TNFRSF10C: variants seen among roughly 807,000 people sequenced by gnomAD.
The protein encoded by TNFRSF10C is TNF receptor superfamily member 10c.
Under a neutral mutation model 16.7 loss-of-function variants are expected in TNFRSF10C, and 17 were observed. The observed-to-expected ratio is 1.02, with a 90% CI of 0.70 to 1.53. The LOEUF is 1.53. TNFRSF10C is among the 40% of genes most tolerant of loss of function. The probability of loss-of-function intolerance (pLI) is 0.00; values close to 1 mark genes in which losing one functional copy is unlikely to be tolerated. For synonymous variants in TNFRSF10C, 73 were observed against 119.7 expected (o/e 0.61, Z 2.55); for missense variants, 237 against 329.7 (o/e 0.72, Z 2.18).
rs1813963979 is a variant in TNFRSF10C at position 23,115,537 on chromosome 8, A to T, written c.310A>T (p.Thr104Ser). The change falls in exon 4 of 5, where the codon ACC (threonine) becomes TCC (serine). Residue 104 changes from threonine (T) to serine (S), a missense_variant. Thr to Ser is a moderately conservative substitution (Grantham distance 58, BLOSUM62 1). Coordinates refer to ENST00000356864, the MANE Select transcript of TNFRSF10C (RefSeq NM_003841.5). ...DQKHKSSCTMTRDTVCQCKEG... is the reference protein window; with the variant it reads ...DQKHKSSCTMSRDTVCQCKEG... Reference sequence around the variant, plus strand: ...AAAACATAAAAGTTCCTGCACCATGACCAGAGACACAGTGTGTCAGTGTAA... The same window carrying T: ...AAAACATAAAAGTTCCTGCACCATGTCCAGAGACACAGTGTGTCAGTGTAA... 1 of 1,613,154 alleles carries T rather than the reference A, an allele frequency of 6.2e-7. No homozygotes were observed. The highest frequency in any genetic ancestry group is 1.7e-5 in the Admixed American group (1 of 59,872).
rs1813987047 is a variant in TNFRSF10C at position 23,116,595 on chromosome 8, T to A, written c.390-46T>A. On this transcript the variant is annotated intron_variant, in intron 4 of 4. Transcript: ENST00000356864. ...TGGCTCCCCTTTTATCCCACCTGGC[T>A]AGCTTTCCCTCAGGAGTCCTCACCT... 13 of 1,583,080 alleles carry A rather than the reference T, an allele frequency of 8.2e-6. No individual in the cohort carries two copies. The South Asian group carries it at 1.3e-4, about 16-fold the overall frequency.
At chr8:23,108,898 A>G (rs2128830440) in intron 1 of TNFRSF10C, among the ~76,000 whole-genome samples, 1 of 152,382 alleles carries the variant, frequency 6.6e-6, no homozygotes, top group Admixed American at 6.5e-5. Flanking sequence ...TGATCTCTAA[A>G]CTTAATGAAA....
intron 1 of TNFRSF10C, among the ~76,000 whole-genome samples, chr8:23,110,763 T>C (rs763649982): frequency 6.6e-6 from 1 of 152,226 alleles, no homozygotes; most frequent in Non-Finnish European, 1.5e-5. Context: ...TAAGGTTATA[T>C]ATATTATAAC....
chr8:23,107,028 T>C (rs186778674), intron 1 of TNFRSF10C, among the ~76,000 whole-genome samples: 9 of 152,196 alleles, frequency 5.9e-5, no homozygotes, highest in Non-Finnish European at 1.5e-5. Flanking sequence ...TTGCACCTGT[T>C]GTTTTTCAAT....
chr8:23,115,714 C>A, intron 4 of TNFRSF10C, 98 bp downstream of exon 4: 1 of 945,894 alleles, frequency 1.1e-6, no homozygotes, highest in Admixed American at 2.4e-5. Context: ...ATGGAGCCTC[C>A]AGACCCATGG....
chr8:23,111,577 A>T, intron 1 of TNFRSF10C, 143 bp from the exon 2 acceptor site: 1 of 679,370 alleles, frequency 1.5e-6, no homozygotes, highest in Non-Finnish European at 2.6e-6. Context: ...AAACACAGGT[A>T]TGAAAGAATG....
chr8:23,103,184 G>A lies in TNFRSF10C; in HGVS notation c.60+3G>A. ...TCATCGTCGCGGTCCTGCTGCCAGT[G>A]AGTCCCGGCCGCGGTCCCTGGCTGG... On this transcript the variant is annotated splice_donor_region_variant and intron_variant, in intron 1 of 4. Transcript: ENST00000356864. 1 of 1,609,996 alleles carries A rather than the reference G, an allele frequency of 6.2e-7. No individual in the cohort carries two copies. Among genetic ancestry groups the A allele is most frequent in the Non-Finnish European group, 8.5e-7 (1 of 1,178,476 alleles).
chr8:23,115,225 C>T (rs1451014998), intron 3 of TNFRSF10C, among the ~76,000 whole-genome samples: 2 of 152,232 alleles, frequency 1.3e-5, no homozygotes, highest in African/African-American at 2.4e-5. Context: ...TCAGGTGATG[C>T]CCTTGCACCT....
intron 4 of TNFRSF10C, among the ~76,000 whole-genome samples, chr8:23,116,180 C>G (rs1254507945): frequency 6.6e-6 from 1 of 152,330 alleles, no homozygotes; most frequent in African/African-American, 2.4e-5. Flanking sequence ...TGTCTTTTCC[C>G]TATTTGGGCT....
chr8:23,110,020 C>T (rs755282034), intron 1 of TNFRSF10C, among the ~76,000 whole-genome samples: 2 of 138,136 alleles, frequency 1.4e-5, no homozygotes, highest in Non-Finnish European at 3.0e-5. Flanking sequence ...CGAGATTACA[C>T]CACTGCACTC....
intron 1 of TNFRSF10C, chr8:23,103,390 T>TC: frequency 1.2e-6 from 1 of 844,884 alleles, no homozygotes; most frequent in Non-Finnish European, 1.8e-6. Context: ...AGAGAGGCGG[T>TC]CCCCCTGGCT....
chr8:23,115,456 C>T (rs1585249369), intron 3 of TNFRSF10C, 52 bp from the exon 4 acceptor site: 8 of 1,507,778 alleles, frequency 5.3e-6, no homozygotes, highest in Middle Eastern at 1.8e-4. Flanking sequence ...TAAGGAAGAT[C>T]GAGGGATACA....
intron 2 of TNFRSF10C, among the ~76,000 whole-genome samples, chr8:23,113,625 TG>T (rs1384930269): frequency 6.6e-6 from 1 of 152,234 alleles, no homozygotes; most frequent in Non-Finnish European, 1.5e-5. Context: ...GATTTATACC[TG>T]GGTTCACTAT....
chr8:23,117,182 T>A lies in TNFRSF10C; in HGVS notation c.*151T>A. The A allele has an allele frequency of 8.3e-7, 1 of 1,206,490 alleles. No individual in the cohort carries two copies. The highest frequency in any genetic ancestry group is 1.1e-6 in the Non-Finnish European group (1 of 870,618). 74.7% of individuals were successfully genotyped at this position (1,206,490 alleles called of 1,614,324 possible). A position where few individuals can be genotyped will look rare whatever the true frequency, so the allele number is the denominator to read the frequency against. Reference sequence around the variant, plus strand: ...CCTGCCCCTGCCCCAAGTCCTGGTGTCTCCAGCCTGGCTCTATCTTCCTCC... The same window carrying A: ...CCTGCCCCTGCCCCAAGTCCTGGTGACTCCAGCCTGGCTCTATCTTCCTCC... On this transcript the variant is annotated 3_prime_UTR_variant, in exon 5 of 5. Transcript: ENST00000356864.
chr8:23,108,748 G>A (rs1168089591), intron 1 of TNFRSF10C, among the ~76,000 whole-genome samples: 1 of 152,186 alleles, frequency 6.6e-6, no homozygotes, highest in African/African-American at 2.4e-5. Context: ...AGTGGCAAGC[G>A]ATCTGCACAC....
intron 4 of TNFRSF10C, among the ~76,000 whole-genome samples, 170 bp downstream of exon 4, chr8:23,115,786 G>A (rs1214370006): frequency 6.6e-6 from 1 of 152,012 alleles, no homozygotes; most frequent in East Asian, 1.9e-4. Context: ...CCATCTGCCT[G>A]TCCCCACCCC....
In TNFRSF10C at chr8:23,111,805, AG is replaced by A; in HGVS notation, c.151del (p.Glu51ArgfsTer53). ...VAPQQQRHSF[K>X]GEECPAGSHR... ...CCACAGCAACAGAGGCACAGCTTCAAGGGGGAGGAGTGTCCAGCAGGTGCAC... is the reference window on the plus strand; with the variant it reads ...CCACAGCAACAGAGGCACAGCTTCAAGGGGAGGAGTGTCCAGCAGGTGCAC... On this transcript the variant is annotated frameshift_variant, in exon 2 of 5. Transcript: ENST00000356864. LOFTEE classifies it high-confidence loss of function. The A allele has an allele frequency of 6.2e-7, 1 of 1,614,106 alleles. No homozygotes were observed. Among genetic ancestry groups the A allele is most frequent in the Non-Finnish European group, 8.5e-7 (1 of 1,179,978 alleles).
At chr8:23,105,068 C>T (rs78985372) in intron 1 of TNFRSF10C, among the ~76,000 whole-genome samples, 5 of 152,280 alleles carry the variant, frequency 3.3e-5, no homozygotes, top group African/African-American at 1.2e-4. Context: ...CCTTCCACAC[C>T]ATTCCTCTCT....
rs746790372 is a variant in TNFRSF10C, at chr8:23,116,766, C to T, written c.515C>T (p.Pro172Leu). The T allele has an allele frequency of 1.9e-6, 3 of 1,612,798 alleles. No individual in the cohort carries two copies. Among genetic ancestry groups the T allele is most frequent in the Middle Eastern group, 1.6e-4 (1 of 6,062 alleles). ...GCTGAAGAGACAATGAACACCAGCCCGGGGACTCCTGCCCCAGCTGCTGAA... is the reference window on the plus strand; with the variant it reads ...GCTGAAGAGACAATGAACACCAGCCTGGGGACTCCTGCCCCAGCTGCTGAA... Reference protein sequence around the residue: ...PAAEETMNTSPGTPAPAAEET... With the variant: ...PAAEETMNTSLGTPAPAAEET... The change falls in exon 5 of 5, where the codon CCG becomes CTG. Residue 172 changes from proline to leucine, a missense_variant. Transcript: ENST00000356864.
Sources: allele counts gnomAD v4.1 joint callset (sites outside exome capture counted in the v4.1 genomes callset), GRCh38; gene constraint gnomAD v4.1.1; transcripts MANE v1.5; gene names NCBI Gene and HGNC (gene_info 2026-07-23, HGNC 2026-07-21).